APOBEC3D: variants seen among roughly 807,000 people sequenced by gnomAD.
The protein encoded by APOBEC3D is DNA dC->dU-editing enzyme APOBEC-3D.
APOBEC3D carries 37 observed loss-of-function variants against 45.6 expected under a neutral mutation model. The observed-to-expected ratio is 0.81, with a 90% confidence interval of 0.62 to 1.07. The LOEUF is 1.07. Among genes scored for constraint, APOBEC3D ranks in the 50% least tolerant of loss-of-function variants. The pLI is 0.00. For synonymous variants in APOBEC3D, 175 were observed against 180.7 expected, an observed-to-expected ratio of 0.97 and a Z score of 0.25; for missense variants, 496 against 495.3, an observed-to-expected ratio of 1.00 and a Z score of -0.01.
intron 1 of APOBEC3D, among the ~76,000 whole-genome samples, chr22:39,022,017 G>T (rs567209256): frequency 2.0e-5 from 3 of 152,184 alleles, no homozygotes; most frequent in Non-Finnish European, 2.9e-5. Context: ...AAATCACATC[G>T]TCCAAGGATG....
In APOBEC3D at chr22:39,025,327, T is replaced by C. The variant is rs371920813; in HGVS notation, c.468T>C (p.Arg156=). Residue 156 remains arginine (R), a synonymous_variant, in exon 3 of 7, where the codon CGT becomes CGC. Coordinates refer to ENST00000216099, the MANE Select transcript of APOBEC3D (RefSeq NM_152426.4). ...TCAGGCTGCATAAGGCAGGGGCCCGTGTGAAGATCATGGACTATGAAGGTG... is the reference window on the plus strand; with the variant it reads ...TCAGGCTGCATAAGGCAGGGGCCCGCGTGAAGATCATGGACTATGAAGGTG... ...VLLRLHKAGA[R]VKIMDYEDFA... is the part of the protein sequence containing the mutation. The C allele has an allele frequency of 1.2e-6, 2 of 1,613,916 alleles. No individual in the cohort carries two copies. The highest frequency in any genetic ancestry group is 1.7e-6 in the Non-Finnish European group (2 of 1,179,968).
chr22:39,027,701 C>T (rs1212666331), intron 4 of APOBEC3D, among the ~76,000 whole-genome samples: 2 of 152,236 alleles, frequency 1.3e-5, no homozygotes, highest in Admixed American at 6.5e-5. Flanking sequence ...TGCCTGGTGG[C>T]CCTGCTGGGC....
chr22:39,022,441 C>T (rs1925212476), intron 1 of APOBEC3D, among the ~76,000 whole-genome samples: 1 of 152,250 alleles, frequency 6.6e-6, no homozygotes, highest in Non-Finnish European at 1.5e-5. Flanking sequence ...ATAATGTTAA[C>T]ACGCAGAGTG....
intron 5 of APOBEC3D, 22 bp downstream of exon 5, chr22:39,029,541 C>T: frequency 1.2e-6 from 2 of 1,613,732 alleles, no homozygotes; most frequent in Non-Finnish European, 1.7e-6. Context: ...GTCCTATTTA[C>T]ACCCTAAATA....
intron 5 of APOBEC3D, 26 bp from the exon 6 acceptor site, chr22:39,031,668 C>T (rs763152369): frequency 1.5e-5 from 24 of 1,610,474 alleles, no homozygotes; most frequent in South Asian, 2.2e-5. Flanking sequence ...TGAGCTCCCC[C>T]TGCCCTCCTC....
At chr22:39,031,500 G>A (rs897870998) in intron 5 of APOBEC3D, among the ~76,000 whole-genome samples, 194 bp from the exon 6 acceptor site, 1 of 152,162 alleles carries the variant, frequency 6.6e-6, no homozygotes, top group Non-Finnish European at 1.5e-5. Context: ...AGCCTGGGAG[G>A]TCAAGGCTGC....
In APOBEC3D at chr22:39,027,024, C is replaced by G. The variant is rs115019558; in HGVS notation, c.605+1353C>G. 3.8e-3 allele frequency among the ~76,000 whole-genome samples: 585 copies of G among 152,160 alleles called. 3 individuals carry two copies. The highest frequency in any genetic ancestry group is 0.014 in the African/African-American group (563 of 41,494). On this transcript the variant is annotated intron_variant, in intron 4 of 6. Transcript: ENST00000216099. ...CATGGGAGGCTTGAGATGCTAGGAG[C>G]TCTCCAGGAAGCACAACAGAAAAGG...
At chr22:39,023,926 G>A (rs963665547) in intron 2 of APOBEC3D, among the ~76,000 whole-genome samples, 3 of 151,758 alleles carry the variant, frequency 2.0e-5, no homozygotes, top group African/African-American at 7.3e-5. Flanking sequence ...CCATCCCTAC[G>A]GCCCCCTCCA....
At position 39,031,981 on chromosome 22, in the gene APOBEC3D, G is replaced by T. The variant is rs768819811; in HGVS notation, c.1042+8G>T. The T allele has an allele frequency of 6.2e-7, 1 of 1,614,042 alleles. No homozygotes were observed. Among genetic ancestry groups the T allele is most frequent in the South Asian group, 1.1e-5 (1 of 91,082 alleles). On this transcript the variant is annotated splice_region_variant and intron_variant, in intron 6 of 6. Coordinates refer to ENST00000216099, the MANE Select transcript of APOBEC3D (RefSeq NM_152426.4). The stretch of plus-strand genomic sequence containing the variant: ...AGATCATGGGCTACAAAGGTGAGAC[G>T]TGGGGGGCTGAGGAGAGTGGGTGCG...
chr22:39,023,879 C>A (rs1178635125), intron 2 of APOBEC3D, among the ~76,000 whole-genome samples: 1 of 152,114 alleles, frequency 6.6e-6, no homozygotes, highest in Admixed American at 6.5e-5. Context: ...ACCCTGCCAC[C>A]CCCACTGGGG....
In APOBEC3D at chr22:39,025,114, T is replaced by C. The variant is rs778914641; in HGVS notation, c.255T>C (p.Ser85=). 1 of 1,610,656 alleles carries C rather than the reference T, an allele frequency of 6.2e-7. No homozygotes were observed. The highest frequency in any genetic ancestry group is 1.7e-5 in the Admixed American group (1 of 59,826). ...ACCACGCAGAAATGTGCTTCTTATC[T>C]TGGTTCTGTGGCAACCGACTGCCTG... is the stretch of plus-strand genomic sequence containing the variant. ...FENHAEMCFL[S]WFCGNRLPAN... is the part of the protein sequence containing the mutation. Residue 85 remains serine (S), a synonymous_variant, in exon 3 of 7, where the codon TCT becomes TCC. Coordinates refer to ENST00000216099, the MANE Select transcript of APOBEC3D (RefSeq NM_152426.4).
intron 4 of APOBEC3D, among the ~76,000 whole-genome samples, chr22:39,027,885 T>C (rs1351098023): frequency 6.6e-6 from 1 of 152,182 alleles, no homozygotes; most frequent in Non-Finnish European, 1.5e-5. Flanking sequence ...GATTCTCCCC[T>C]GAGAGTCATG....
At chr22:39,030,458 T>G (rs62229077) in intron 5 of APOBEC3D, among the ~76,000 whole-genome samples, 7 of 129,518 alleles carry the variant, frequency 5.4e-5, no homozygotes, top group African/African-American at 8.8e-5. Flanking sequence ...AAAAAGGCGA[T>G]AAGAACTCGT....
intron 2 of APOBEC3D, among the ~76,000 whole-genome samples, chr22:39,024,150 C>T (rs1395758355): frequency 1.3e-5 from 2 of 152,210 alleles, no homozygotes; most frequent in Admixed American, 6.5e-5. Context: ...ATTACTTCAA[C>T]GCTGATTAAC....
At chr22:39,032,098 T>C in intron 6 of APOBEC3D, 100 bp from the exon 7 acceptor site, 1 of 1,582,244 alleles carries the variant, frequency 6.3e-7, no homozygotes, top group Non-Finnish European at 8.6e-7. Flanking sequence ...CGGCGCCAGC[T>C]GCAACTGGCA....
intron 4 of APOBEC3D, among the ~76,000 whole-genome samples, chr22:39,028,749 C>A (rs1202720742): frequency 6.6e-6 from 1 of 152,122 alleles, no homozygotes; most frequent in Non-Finnish European, 1.5e-5. Context: ...CCCTGGCTAA[C>A]GTGGTGAAAC....
At position 39,022,885 on chromosome 22, in the gene APOBEC3D, C is replaced by T. The variant is rs1158303218; in HGVS notation, c.81C>T (p.Leu27=). The T allele has an allele frequency of 6.2e-6, 10 of 1,613,112 alleles. No homozygotes were observed. The highest frequency in any genetic ancestry group is 8.5e-6 in the Non-Finnish European group (10 of 1,179,944). ...FYDNFENEPI[L]YGRSYTWLCY... is the part of the protein sequence containing the mutation. ...ACAACTTTGAAAACGAACCCATCCT[C>T]TATGGTCGGAGCTACACTTGGCTGT... The change falls in exon 2 of 7, where the codon CTC becomes CTT. Residue 27 remains leucine, a synonymous_variant. Coordinates refer to ENST00000216099, the MANE Select transcript of APOBEC3D (RefSeq NM_152426.4).
chr22:39,032,241 G>C lies in APOBEC3D; in HGVS notation c.1086G>C (p.Glu362Asp), dbSNP rs964676016. 1 of 1,614,086 alleles carries C rather than the reference G, an allele frequency of 6.2e-7. No individual in the cohort carries two copies. Among genetic ancestry groups the C allele is most frequent in the East Asian group, 2.2e-5 (1 of 44,902 alleles). Residue 362 changes from glutamate (E) to aspartate (D), a missense_variant, in exon 7 of 7, where the codon GAG becomes GAC. By Grantham distance (45) the Glu-to-Asp change is conservative. Coordinates refer to ENST00000216099, the MANE Select transcript of APOBEC3D (RefSeq NM_152426.4). Reference sequence around the variant, plus strand: ...AAAACTTTGTGTACAGTGATGATGAGCCATTCAAGCCTTGGAAGGGACTAC... The same window carrying C: ...AAAACTTTGTGTACAGTGATGATGACCCATTCAAGCCTTGGAAGGGACTAC... ...CWKNFVYSDD[E>D]PFKPWKGLQT...
chr22:39,024,324 C>A (rs771247132), intron 2 of APOBEC3D, among the ~76,000 whole-genome samples: 1 of 152,182 alleles, frequency 6.6e-6, no homozygotes, highest in Non-Finnish European at 1.5e-5. Context: ...CCAGTGGCCT[C>A]CCCAGTGGGG....
Sources: allele counts gnomAD v4.1 joint callset (sites outside exome capture counted in the v4.1 genomes callset), GRCh38; gene constraint gnomAD v4.1.1; transcripts MANE v1.5; gene names NCBI Gene and HGNC (gene_info 2026-07-23, HGNC 2026-07-21).